The following KCNMA1 variants were observed in gnomAD, a reference collection of about 807,000 sequenced individuals.
KCNMA1 encodes the protein Calcium-activated potassium channel subunit alpha-1.
KCNMA1 carries 29 observed loss-of-function variants against 140.0 expected under a neutral mutation model. The ratio of observed to expected loss-of-function variants is 0.21; its 90% confidence interval spans 0.15 to 0.28. The LOEUF (loss-of-function observed/expected upper bound fraction) is 0.28, where lower values mean the gene tolerates loss of function less well. Ranked by LOEUF, KCNMA1 falls within the 10% of genes least tolerant of loss-of-function variation. The pLI is 1.00. For missense variants in KCNMA1, 880 were observed against 1,602.2 expected, an observed-to-expected ratio of 0.55 and a Z score of 7.70; for synonymous variants, 612 against 611.9, an observed-to-expected ratio of 1.00 and a Z score of 0.00.
chr10:77,422,724 G>A (rs2154486994), intron 1 of KCNMA1, among the ~76,000 whole-genome samples: 1 of 152,318 alleles, frequency 6.6e-6, no homozygotes, highest in Middle Eastern at 3.4e-3. Context: ...CCTAGGAGAG[G>A]AGGAAAGAGA....
At chr10:76,964,386 T>G (rs1346296175) in intron 20 of KCNMA1, among the ~76,000 whole-genome samples, 1 of 152,084 alleles carries the variant, frequency 6.6e-6, no homozygotes, top group Admixed American at 6.5e-5. Context: ...ACCAACACGT[T>G]CATCAGTCCT....
At chr10:76,933,899 T>C (rs1025447927) in intron 23 of KCNMA1, among the ~76,000 whole-genome samples, 3 of 152,208 alleles carry the variant, frequency 2.0e-5, no homozygotes, top group African/African-American at 7.2e-5. Flanking sequence ...ACTAAAGTCA[T>C]TTATAAATCA....
chr10:77,194,347 G>A (rs1048088833), intron 3 of KCNMA1, among the ~76,000 whole-genome samples: 9 of 152,094 alleles, frequency 5.9e-5, no homozygotes, highest in Non-Finnish European at 1.2e-4. Context: ...TCAAAATTCT[G>A]TCTGAGCCTT....
At position 77,042,681 on chromosome 10, in the gene KCNMA1, T is replaced by C. The variant is rs575641639; in HGVS notation, c.1750-3044A>G. ...TAATATGGTTTTAACAAGGTTCTTT[T>C]AGTTTTGGTCAGAATTTTCATGCCT... On this transcript the variant is annotated intron_variant, in intron 14 of 27. Coordinates refer to ENST00000286628, the MANE Select transcript of KCNMA1 (RefSeq NM_001161352.2). Among the ~76,000 whole-genome samples, 50 of 152,346 alleles carry C rather than the reference T, an allele frequency of 3.3e-4. 1 individual carries two copies. In the South Asian group the frequency reaches 0.01, roughly 31 times the overall value.
downstream of KCNMA1, chr10:76,874,464 A>T (rs561295690): frequency 6.6e-6 from 1 of 152,324 alleles, no homozygotes; most frequent in South Asian, 2.1e-4. Context: ...AAATGAAGTC[A>T]CTGAGACTCA....
chr10:77,021,920 T>C (rs1489895024), intron 16 of KCNMA1, among the ~76,000 whole-genome samples: 3 of 152,218 alleles, frequency 2.0e-5, no homozygotes, highest in Non-Finnish European at 2.9e-5. Context: ...ACTACATTAC[T>C]GGTTTTTGTT....
chr10:77,071,662 T>A (rs903525450), intron 14 of KCNMA1: 3 of 152,148 alleles, frequency 2.0e-5, no homozygotes, highest in Non-Finnish European at 4.4e-5. Flanking sequence ...GAATGCAACA[T>A]CTTTATTTGT....
chr10:77,283,628 T>C (rs1301263199), intron 2 of KCNMA1, among the ~76,000 whole-genome samples: 1 of 152,232 alleles, frequency 6.6e-6, no homozygotes, highest in Non-Finnish European at 1.5e-5. Flanking sequence ...TCCTTTGGCA[T>C]TGAGGGAAGA....
chr10:77,066,003 C>T (rs552239491), intron 14 of KCNMA1, among the ~76,000 whole-genome samples: 5 of 152,270 alleles, frequency 3.3e-5, no homozygotes, highest in East Asian at 3.9e-4. Context: ...GGAGAACACT[C>T]AGGACTTAAG....
At chr10:77,452,569 T>C (rs1224263340) in intron 1 of KCNMA1, among the ~76,000 whole-genome samples, 1 of 152,232 alleles carries the variant, frequency 6.6e-6, no homozygotes, top group Non-Finnish European at 1.5e-5. Context: ...TTTCATGCGA[T>C]GGAGGTTTAA....
intron 5 of KCNMA1, among the ~76,000 whole-genome samples, chr10:77,181,517 G>A (rs2098802346): frequency 6.6e-6 from 1 of 152,148 alleles, no homozygotes; most frequent in Admixed American, 6.5e-5. Flanking sequence ...GACTTTCTGA[G>A]CTAAAAGATT....
At position 77,542,756 on chromosome 10, in the gene KCNMA1, G is replaced by C. The variant is rs567710130; in HGVS notation, c.378+94509C>G. On this transcript the variant is annotated intron_variant, in intron 1 of 27. Coordinates refer to ENST00000286628, the MANE Select transcript of KCNMA1 (RefSeq NM_001161352.2). ...ACTATCAACATCTAAAAGACCTGGG[G>C]TGAGGGTGGGGGCAGGAACAGGATT... 5.8e-4 allele frequency among the ~76,000 whole-genome samples: 89 copies of C among 152,302 alleles called. 3 individuals carry two copies. In the South Asian group the frequency reaches 0.018, roughly 31 times the overall value.
intron 1 of KCNMA1, among the ~76,000 whole-genome samples, chr10:77,470,742 C>T (rs1567020096): frequency 1.3e-5 from 2 of 152,158 alleles, no homozygotes; most frequent in African/African-American, 2.4e-5. Context: ...TTGGGAAACT[C>T]TCACCTCATT....
intron 1 of KCNMA1, among the ~76,000 whole-genome samples, chr10:77,609,338 C>G (rs180922296): frequency 8.5e-5 from 13 of 152,256 alleles, no homozygotes; most frequent in Middle Eastern, 6.8e-3. Flanking sequence ...GTGAAATAAG[C>G]CAGGGATAGG....
At chr10:77,047,166 A>G (rs1004160547) in intron 14 of KCNMA1, among the ~76,000 whole-genome samples, 1 of 152,240 alleles carries the variant, frequency 6.6e-6, no homozygotes, top group Admixed American at 6.5e-5. Flanking sequence ...GACAATGTCA[A>G]TTAAAACAAT....
intron 2 of KCNMA1, among the ~76,000 whole-genome samples, chr10:77,309,084 C>T (rs757411989): frequency 6.6e-6 from 1 of 152,226 alleles, no homozygotes; most frequent in Non-Finnish European, 1.5e-5. Context: ...GGGCCAACCA[C>T]GTGCCGGCAG....
At chr10:77,270,967 A>G (rs548599249) in intron 2 of KCNMA1, among the ~76,000 whole-genome samples, 2 of 152,312 alleles carry the variant, frequency 1.3e-5, no homozygotes, top group African/African-American at 4.8e-5. Flanking sequence ...ATATATCCAG[A>G]ATATTTTTAC....
In KCNMA1 at chr10:77,000,857, AATATATATATATAT is replaced by A. The variant is rs56359933; in HGVS notation, c.2266+536_2266+549del. On this transcript the variant is annotated intron_variant, in intron 19 of 27. Transcript: ENST00000286628. ...GGTTAGAGAGACATAGTAAAAAGAA[AATATATATATATAT>A]ATATATATATATATATATATATATA... Among the ~76,000 whole-genome samples the A allele has an allele frequency of 2.6e-3, 97 of 36,656 alleles. 3 individuals are homozygous for A. Among genetic ancestry groups the A allele is most frequent in the South Asian group, 9.0e-3 (8 of 884 alleles). 24.0% of individuals were successfully genotyped at this position (36,656 alleles called of 152,430 possible).
At chr10:76,913,212 T>C (rs1476282456) in intron 24 of KCNMA1, 1 of 152,210 alleles carries the variant, frequency 6.6e-6, no homozygotes, top group Non-Finnish European at 1.5e-5. Context: ...AGCAGCACTT[T>C]TGCTGTCTCT....
Sources: allele counts gnomAD v4.1 joint callset (sites outside exome capture counted in the v4.1 genomes callset), GRCh38; gene constraint gnomAD v4.1.1; transcripts MANE v1.5; gene names NCBI Gene and HGNC (gene_info 2026-07-23, HGNC 2026-07-21).